Variants in ZNF343 observed in about 807,000 individuals in gnomAD.
ZNF343 encodes the protein zinc finger protein 343.
Under a neutral mutation model 13.8 loss-of-function variants are expected in ZNF343, and 11 were observed. The ratio of observed to expected loss-of-function variants is 0.80; its 90% CI spans 0.50 to 1.32. The LOEUF (loss-of-function observed/expected upper bound fraction) is 1.32. Among genes scored for constraint, ZNF343 ranks in the 40% most tolerant of loss-of-function variants. ZNF343 has a pLI of 0.00. For synonymous variants in ZNF343, 248 were observed against 260.0 expected, an observed-to-expected ratio of 0.95 and a Z score of 0.44; for missense variants, 658 against 714.2, an observed-to-expected ratio of 0.92 and a Z score of 0.90.
At chr20:2,524,999 G>GGCTTCCCA (rs1568495056), upstream of ZNF343, among the ~76,000 whole-genome samples, 1 of 152,090 alleles carries the variant, frequency 6.6e-6, no homozygotes, top group African/African-American at 2.4e-5. Flanking sequence ...CCGGCTTCCC[G>GGCTTCCCA]CTCCTGAGGC....
intron 2 of ZNF343, among the ~76,000 whole-genome samples, chr20:2,496,263 T>C (rs993860557): frequency 1.3e-5 from 2 of 152,150 alleles, no homozygotes; most frequent in Non-Finnish European, 2.9e-5. Context: ...GAGTGATTCA[T>C]GTGGGCAACT....
At position 2,484,580 on chromosome 20, in the gene ZNF343, A is replaced by C. The variant is rs769593787; in HGVS notation, c.381T>G (p.His127Gln). 6 of 1,614,016 alleles carry C rather than the reference A, an allele frequency of 3.7e-6. No individual in the cohort carries two copies. Among genetic ancestry groups the C allele is most frequent in the South Asian group, 1.1e-5 (1 of 91,060 alleles). The stretch of plus-strand genomic sequence containing the variant: ...ATAAGCCCAGGAAGATCTGAAGTAC[A>C]TGTTGACTGAGGAACTGCTGACAGG... ...AFSCQQFLSQ[H>Q]VLQIFLGLCA... The change falls in exon 6 of 6, where the codon CAT becomes CAG. Residue 127 changes from histidine to glutamine, a missense_variant. His to Gln is a conservative substitution (Grantham distance 24). Coordinates refer to ENST00000278772, the MANE Select transcript of ZNF343 (RefSeq NM_024325.6).
rs543833899 is a variant in ZNF343 at position 2,523,743 on chromosome 20, C to T, written c.-347+712G>A. ...TGGCCTGGGCTAGGATGCAATGGTG[C>T]GATCTTGGCTCACTGCAACCTCTGC... On this transcript the variant is annotated intron_variant, in intron 1 of 6. Coordinates refer to the ZNF343 transcript ENST00000358413. 3.9e-5 allele frequency among the ~76,000 whole-genome samples: 5 copies of T among 129,656 alleles called. No homozygotes were observed. The Admixed American group carries it at 3.9e-4, about 10-fold the overall frequency. 85.1% of individuals were successfully genotyped at this position (129,656 alleles called of 152,430 possible).
chr20:2,492,685 G>A lies in ZNF343; in HGVS notation c.304+14C>T, dbSNP rs776834829. 6.2e-7 allele frequency: 1 copy of A among 1,607,522 alleles called. No individual in the cohort carries two copies. Among genetic ancestry groups the A allele is most frequent in the Non-Finnish European group, 8.5e-7 (1 of 1,178,434 alleles). On this transcript the variant is annotated intron_variant, in intron 5 of 5. Coordinates refer to ENST00000278772, the MANE Select transcript of ZNF343 (RefSeq NM_024325.6). ...TACTGAATTAATGAAGGAAAGGAAA[G>A]AACACAGCCTTACCCAATGAGAGAA...
chr20:2,513,623 C>T (rs1460439690), upstream of ZNF343, among the ~76,000 whole-genome samples: 2 of 152,184 alleles, frequency 1.3e-5, no homozygotes, highest in Non-Finnish European at 2.9e-5. Context: ...AGCATTTCTA[C>T]TCCAAGCTAT....
intron 2 of ZNF343, among the ~76,000 whole-genome samples, chr20:2,495,942 C>T (rs561939317): frequency 3.9e-5 from 6 of 152,168 alleles, no homozygotes; most frequent in East Asian, 1.9e-4. Context: ...GGCCTCCCAA[C>T]GCGCTGGGAT....
At chr20:2,521,302 G>A (rs1283202908) in intron 1 of ZNF343, among the ~76,000 whole-genome samples, 1 of 152,212 alleles carries the variant, frequency 6.6e-6, no homozygotes. Context: ...GGCAGGCATA[G>A]ACTCTGGGGC....
intron 2 of ZNF343, among the ~76,000 whole-genome samples, chr20:2,499,354 A>G (rs1477492218): frequency 9.1e-6 from 1 of 109,368 alleles, no homozygotes; most frequent in Non-Finnish European, 2.0e-5. Flanking sequence ...AGTCCCAGCT[A>G]CTTGGGAGGC....
chr20:2,516,116 G>A (rs1298574653), intron 1 of ZNF343, among the ~76,000 whole-genome samples: 1 of 152,078 alleles, frequency 6.6e-6, no homozygotes, highest in Admixed American at 6.6e-5. Flanking sequence ...GATGATCAAG[G>A]TTGGGGTTTG....
chr20:2,505,057 T>C (rs1269836405), intron 1 of ZNF343, among the ~76,000 whole-genome samples: 2 of 152,316 alleles, frequency 1.3e-5, no homozygotes, highest in African/African-American at 2.4e-5. Flanking sequence ...GAAAAGCCCA[T>C]TGTCTCAGCC....
intron 5 of ZNF343, among the ~76,000 whole-genome samples, chr20:2,490,033 G>A (rs920195988): frequency 1.3e-5 from 2 of 151,790 alleles, no homozygotes; most frequent in African/African-American, 4.8e-5. Context: ...AAAAGGAAAG[G>A]GGAAGGGGGA....
chr20:2,510,137 A>G (rs2085729778), upstream of ZNF343, among the ~76,000 whole-genome samples: 1 of 152,248 alleles, frequency 6.6e-6, no homozygotes, highest in African/African-American at 2.4e-5. Context: ...GATAAAGGCA[A>G]TTAACTAGTG....
At chr20:2,513,263 A>G (rs184943966), upstream of ZNF343, among the ~76,000 whole-genome samples, 806 of 152,342 alleles carry the variant, frequency 5.3e-3, 6 homozygotes, top group Non-Finnish European at 6.6e-3. Flanking sequence ...TGACTCAATA[A>G]CAAAAAGACT....
At position 2,483,235 on chromosome 20, in the gene ZNF343, G is replaced by A; in HGVS notation, c.1726C>T (p.His576Tyr). The change falls in exon 6 of 6, where the codon CAT becomes TAT. Residue 576 changes from histidine (H) to tyrosine (Y), a missense_variant. Transcript: ENST00000278772. ...VHQRTHSGEK[H>Y]YVCRECGRGF... ...CGCCCACACTCCCTACAAACATAAT[G>A]CTTCTCCCCTGAGTGTGTCCTCTGG... 6.2e-7 allele frequency: 1 copy of A among 1,612,890 alleles called. No individual in the cohort carries two copies. Among genetic ancestry groups the A allele is most frequent in the African/African-American group, 1.3e-5 (1 of 74,958 alleles).
At chr20:2,489,275 A>G (rs959987334) in intron 5 of ZNF343, among the ~76,000 whole-genome samples, 5 of 152,206 alleles carry the variant, frequency 3.3e-5, no homozygotes, top group Admixed American at 3.3e-4. Context: ...TAATGTGTTA[A>G]TAACTATTAA....
intron 1 of ZNF343, among the ~76,000 whole-genome samples, chr20:2,523,364 T>A (rs6083545): frequency 3.3e-5 from 5 of 152,006 alleles, no homozygotes; most frequent in Non-Finnish European, 7.4e-5. Flanking sequence ...CCCATGCCAC[T>A]GCTATGCCTA....
In ZNF343 at chr20:2,484,556, T is replaced by A. The variant is rs1227697283; in HGVS notation, c.405A>T (p.Leu135Phe). The A allele has an allele frequency of 6.2e-7, 1 of 1,614,194 alleles. No homozygotes were observed. Among genetic ancestry groups the A allele is most frequent in the African/African-American group, 1.3e-5 (1 of 75,060 alleles). Residue 135 changes from leucine to phenylalanine, a missense_variant, in exon 6 of 6, where the codon TTA becomes TTT. Physicochemically the swap from Leu to Phe is conservative, Grantham distance 22 (BLOSUM62 0). Coordinates refer to ENST00000278772, the MANE Select transcript of ZNF343 (RefSeq NM_024325.6). ...SQHVLQIFLGLCAENHFHPGN... is the reference protein window; with the variant it reads ...SQHVLQIFLGFCAENHFHPGN... Reference sequence around the variant, plus strand: ...CTGGATGGAAGTGATTTTCTGCACATAAGCCCAGGAAGATCTGAAGTACAT... The same window carrying A: ...CTGGATGGAAGTGATTTTCTGCACAAAAGCCCAGGAAGATCTGAAGTACAT...
At chr20:2,499,915 GA>G (rs1186800395) in intron 2 of ZNF343, among the ~76,000 whole-genome samples, 1 of 152,182 alleles carries the variant, frequency 6.6e-6, no homozygotes, top group Non-Finnish European at 1.5e-5. Context: ...TTTTGTAGAA[GA>G]AATGGGCAGA....
chr20:2,514,546 G>A (rs2085750982), intron 1 of ZNF343, among the ~76,000 whole-genome samples: 1 of 152,172 alleles, frequency 6.6e-6, no homozygotes, highest in South Asian at 2.1e-4. Context: ...TGTTCTCAAA[G>A]AACCTTCTCG....
Sources: gnomAD v4.1 joint callset for allele counts (sites outside exome capture counted in the v4.1 genomes callset) on GRCh38, gnomAD v4.1.1 for gene constraint, MANE v1.5 for transcripts, NCBI Gene and HGNC (gene_info 2026-07-23, HGNC 2026-07-21) for gene names.